The following PTPRD variants were observed in gnomAD, a reference collection of about 807,000 sequenced individuals.
PTPRD encodes receptor-type tyrosine-protein phosphatase delta.
A neutral mutation model predicts 214.5 loss-of-function variants in PTPRD; 34 were observed. The observed-to-expected ratio is 0.16, with a 90% CI of 0.12 to 0.21. PTPRD has a LOEUF of 0.21. Among genes scored for constraint, PTPRD ranks in the 10% least tolerant of loss-of-function variants. PTPRD has a pLI of 1.00. For synonymous variants in PTPRD, 1,128 were observed against 845.7 expected, an observed-to-expected ratio of 1.33 and a Z score of -5.79; for missense variants, 2,545 against 2,398.7, an observed-to-expected ratio of 1.06 and a Z score of -1.27.
intron 30 of PTPRD, among the ~76,000 whole-genome samples, chr9:8,476,674 T>C (rs560953300): frequency 6.4e-4 from 97 of 152,322 alleles, no homozygotes; most frequent in Non-Finnish European, 1.1e-3. Flanking sequence ...CAAATTTATA[T>C]ATTTATAAAA....
chr9:9,723,411 C>T (rs562250505), intron 7 of PTPRD, among the ~76,000 whole-genome samples: 1 of 152,148 alleles, frequency 6.6e-6, no homozygotes, highest in African/African-American at 2.4e-5. Context: ...TGTAACAATG[C>T]CATACTTCAT....
intron 5 of PTPRD, among the ~76,000 whole-genome samples, chr9:9,911,068 G>C (rs2079051520): frequency 2.0e-5 from 3 of 151,934 alleles, no homozygotes; most frequent in Non-Finnish European, 2.9e-5. Flanking sequence ...TTTCCAGTCT[G>C]CTTGGCTTGT....
chr9:10,124,117 A>T (rs2098797424), intron 3 of PTPRD, among the ~76,000 whole-genome samples: 1 of 152,198 alleles, frequency 6.6e-6, no homozygotes, highest in Non-Finnish European at 1.5e-5. Context: ...CCATTTACTC[A>T]GTTGAGGAAC....
chr9:8,327,996 TG>T (rs1412870704), intron 44 of PTPRD, among the ~76,000 whole-genome samples: 1 of 152,158 alleles, frequency 6.6e-6, no homozygotes, highest in African/African-American at 2.4e-5. Context: ...GTCTTTTAAT[TG>T]GGGGCATTTA....
chr9:9,204,086 C>T (rs2099943406), intron 9 of PTPRD, among the ~76,000 whole-genome samples: 1 of 152,140 alleles, frequency 6.6e-6, no homozygotes, highest in South Asian at 2.1e-4. Context: ...GGCTGCATTA[C>T]TGCTAAAATT....
chr9:10,555,735 A>C (rs897252707), intron 2 of PTPRD, among the ~76,000 whole-genome samples: 7 of 152,240 alleles, frequency 4.6e-5, no homozygotes, highest in African/African-American at 1.7e-4. Context: ...AAGAAGTTTT[A>C]CAAACAAGTG....
At chr9:9,716,868 G>A (rs1174079500) in intron 7 of PTPRD, among the ~76,000 whole-genome samples, 2 of 151,834 alleles carry the variant, frequency 1.3e-5, no homozygotes, top group African/African-American at 4.8e-5. Context: ...GATCCCATTT[G>A]TCAATTTTGG....
intron 2 of PTPRD, among the ~76,000 whole-genome samples, chr9:10,543,073 T>C (rs774890749): frequency 8.6e-5 from 13 of 151,652 alleles, no homozygotes; most frequent in Non-Finnish European, 1.5e-4. Flanking sequence ...TTAGTAGAGA[T>C]GGGGCTTATC....
At chr9:9,752,110 A>G (rs1259671054) in intron 6 of PTPRD, among the ~76,000 whole-genome samples, 1 of 152,112 alleles carries the variant, frequency 6.6e-6, no homozygotes, top group African/African-American at 2.4e-5. Context: ...CTTACCAGTC[A>G]GTGTGTGCTA....
chr9:10,033,057 C>T (rs995380480), intron 4 of PTPRD, among the ~76,000 whole-genome samples: 7 of 150,926 alleles, frequency 4.6e-5, no homozygotes, highest in South Asian at 2.1e-4. Context: ...AACCTGGATG[C>T]GATAAATATT....
chr9:10,592,094 C>T (rs117599052), intron 2 of PTPRD, among the ~76,000 whole-genome samples: 1 of 152,044 alleles, frequency 6.6e-6, no homozygotes, highest in Non-Finnish European at 1.5e-5. Context: ...GAACAAAACA[C>T]AGAAACTCTA....
At chr9:10,124,299 G>T (rs1189298020) in intron 3 of PTPRD, among the ~76,000 whole-genome samples, 1 of 152,104 alleles carries the variant, frequency 6.6e-6, no homozygotes, top group Non-Finnish European at 1.5e-5. Flanking sequence ...GAATAAAAAG[G>T]TATTACTTTA....
chr9:9,686,069 A>G (rs2097161563), intron 7 of PTPRD, among the ~76,000 whole-genome samples: 1 of 151,450 alleles, frequency 6.6e-6, no homozygotes, highest in Non-Finnish European at 1.5e-5. Context: ...AGAAATATAT[A>G]TTAAGTTATA....
rs1194188639 is a variant in PTPRD at position 10,007,138 on chromosome 9, A to G, written c.-472+26580T>C. Among the ~76,000 whole-genome samples the G allele has an allele frequency of 2.0e-5, 3 of 152,016 alleles. No individual in the cohort carries two copies. The South Asian group carries it at 6.2e-4, about 31-fold the overall frequency. On this transcript the variant is annotated intron_variant, in intron 4 of 45. Transcript: ENST00000381196. ...CAAAGAGTTTAACTTATTTAAGGACATAAGTCAGAATTGATATGGTCCAGG... is the reference window on the plus strand; with the variant it reads ...CAAAGAGTTTAACTTATTTAAGGACGTAAGTCAGAATTGATATGGTCCAGG...
At chr9:10,593,767 A>G (rs971255991) in intron 2 of PTPRD, among the ~76,000 whole-genome samples, 6 of 151,992 alleles carry the variant, frequency 3.9e-5, no homozygotes, top group Non-Finnish European at 7.4e-5. Flanking sequence ...AAAATCTTGA[A>G]GCAAAATATG....
rs2135669561 is a variant in PTPRD at position 8,389,402 on chromosome 9, G to C, written c.4216C>G (p.Pro1406Ala). ...RVLLSAIEGI[P>A]GSDYVNANYI... Reference sequence around the variant, plus strand: ...TTGGCATTCACATAGTCACTTCCTGGGATCCCTGGAAAACAAGGAGTGTTA... The same window carrying C: ...TTGGCATTCACATAGTCACTTCCTGCGATCCCTGGAAAACAAGGAGTGTTA... Residue 1406 changes from proline (P) to alanine (A), a missense_variant, in exon 37 of 46, where the codon CCA becomes GCA. Transcript: ENST00000381196. 2 of 1,606,168 alleles carry C rather than the reference G, an allele frequency of 1.2e-6. No individual in the cohort carries two copies. The highest frequency in any genetic ancestry group is 1.7e-6 in the Non-Finnish European group (2 of 1,176,426).
intron 11 of PTPRD, among the ~76,000 whole-genome samples, chr9:8,924,538 C>T (rs1368684): frequency 0.65 from 98,829 of 151,902 alleles, 32,507 homozygotes; most frequent in East Asian, 0.76. Flanking sequence ...AAAGTGGTAC[C>T]TGAATTTCAC....
chr9:10,610,140 A>G (rs1010699176), intron 2 of PTPRD, among the ~76,000 whole-genome samples: 3 of 152,234 alleles, frequency 2.0e-5, no homozygotes, highest in African/African-American at 7.2e-5. Context: ...CTACCTCTGT[A>G]CAGGACAGAG....
At chr9:9,410,228 C>A (rs754955130) in intron 8 of PTPRD, among the ~76,000 whole-genome samples, 3 of 152,152 alleles carry the variant, frequency 2.0e-5, no homozygotes, top group Non-Finnish European at 2.9e-5. Flanking sequence ...TATGGTATTT[C>A]AGTAATGGGT....
Sources: allele counts gnomAD v4.1 joint callset (sites outside exome capture counted in the v4.1 genomes callset), GRCh38; gene constraint gnomAD v4.1.1; transcripts MANE v1.5; gene names NCBI Gene and HGNC (gene_info 2026-07-23, HGNC 2026-07-21).